ARHGAP32: variants seen among roughly 807,000 people sequenced by gnomAD.
The protein encoded by ARHGAP32 is rho GTPase-activating protein 32.
A neutral mutation model predicts 186.5 loss-of-function variants in ARHGAP32; 51 were observed. The observed-to-expected ratio is 0.27, with a 90% CI of 0.22 to 0.35. The LOEUF (loss-of-function observed/expected upper bound fraction) is 0.35. Among genes scored for constraint, ARHGAP32 ranks in the 10% least tolerant of loss-of-function variants. The pLI is 1.00. For missense variants in ARHGAP32, 2,186 were observed against 2,623.5 expected, an observed-to-expected ratio of 0.83 and a Z score of 3.64; for synonymous variants, 950 against 964.3, an observed-to-expected ratio of 0.99 and a Z score of 0.27.
At chr11:129,223,584 T>C (rs1481106359) in intron 1 of ARHGAP32, among the ~76,000 whole-genome samples, 2 of 152,192 alleles carry the variant, frequency 1.3e-5, no homozygotes, top group African/African-American at 4.8e-5. Context: ...GAAAAGATGT[T>C]TGCTTACTTT....
intron 2 of ARHGAP32, among the ~76,000 whole-genome samples, chr11:129,127,158 A>G (rs1942681317): frequency 6.6e-6 from 1 of 152,182 alleles, no homozygotes; most frequent in Non-Finnish European, 1.5e-5. Context: ...AGAAAACGAG[A>G]AAACCTGCCC....
At chr11:129,148,269 A>T (rs1358802290) in intron 2 of ARHGAP32, among the ~76,000 whole-genome samples, 2 of 152,234 alleles carry the variant, frequency 1.3e-5, no homozygotes. Context: ...ATTGCACAGG[A>T]CAGGCAAAAA....
rs150453760 is a variant in ARHGAP32, at chr11:129,157,230, T to C, written c.225+7089A>G. On this transcript the variant is annotated intron_variant, in intron 2 of 22. Transcript: ENST00000682385. Reference sequence around the variant, plus strand: ...AAGAAAACCAGACAGAGAATGAGTCTGACGAATTGACAGAAGCAGGCTTCA... The same window carrying C: ...AAGAAAACCAGACAGAGAATGAGTCCGACGAATTGACAGAAGCAGGCTTCA... Among the ~76,000 whole-genome samples the C allele has an allele frequency of 4.1e-4, 62 of 152,118 alleles. No homozygotes were observed. The East Asian group carries it at 0.011, about 27-fold the overall frequency.
intron 11 of ARHGAP32, among the ~76,000 whole-genome samples, chr11:129,023,465 GA>G (rs1383179484): frequency 1.3e-5 from 2 of 151,638 alleles, no homozygotes; most frequent in South Asian, 2.1e-4. Context: ...AACCCACCAG[GA>G]AAAAAATTAA....
chr11:129,086,620 G>C (rs1290169050), intron 6 of ARHGAP32, among the ~76,000 whole-genome samples: 2 of 152,120 alleles, frequency 1.3e-5, no homozygotes, highest in Non-Finnish European at 2.9e-5. Flanking sequence ...AGGAGATCGA[G>C]ACCATCCCGG....
At chr11:129,237,728 G>A (rs1286945992) in intron 1 of ARHGAP32, among the ~76,000 whole-genome samples, 1 of 152,132 alleles carries the variant, frequency 6.6e-6, no homozygotes, top group African/African-American at 2.4e-5. Flanking sequence ...CAGAAATAGG[G>A]CCAAACCAGG....
chr11:129,176,483 C>A (rs1467846522), intron 1 of ARHGAP32, among the ~76,000 whole-genome samples: 1 of 79,460 alleles, frequency 1.3e-5, no homozygotes, highest in East Asian at 3.1e-4. Context: ...ACAGAATATA[C>A]ATTTTTTCAG....
chr11:129,271,442 T>C (rs1945471256), intron 1 of ARHGAP32, among the ~76,000 whole-genome samples: 1 of 151,998 alleles, frequency 6.6e-6, no homozygotes, highest in African/African-American at 2.4e-5. Context: ...CTTACTGAGA[T>C]GGTAAAGACT....
At chr11:129,227,590 G>T (rs1214332226) in intron 1 of ARHGAP32, among the ~76,000 whole-genome samples, 1 of 151,838 alleles carries the variant, frequency 6.6e-6, no homozygotes, top group Non-Finnish European at 1.5e-5. Context: ...GCTATTTCAT[G>T]AAAACAATAC....
rs1201087512 is a variant in ARHGAP32, at chr11:129,232,226, G to GT, written c.-5+46919dup. The stretch of plus-strand genomic sequence containing the variant: ...ATTAGTGTAGCTACAGATTATCTAC[G>GT]TATCAGTTAGACAGATATTCTGGGT... On this transcript the variant is annotated intron_variant, in intron 1 of 6. Coordinates refer to the ARHGAP32 transcript ENST00000525234. Among the ~76,000 whole-genome samples, 4 of 152,098 alleles carry GT rather than the reference G, an allele frequency of 2.6e-5. No homozygotes were observed. In the South Asian group the frequency reaches 6.2e-4, roughly 24 times the overall value.
intron 16 of ARHGAP32, 111 bp from the exon 17 acceptor site, chr11:128,981,672 T>G (rs549593546): frequency 4.8e-5 from 62 of 1,296,270 alleles, no homozygotes; most frequent in Non-Finnish European, 6.2e-5. Context: ...ATACTTTTAC[T>G]GTCCCTTAGC....
At chr11:129,101,763 C>T (rs929573224) in intron 5 of ARHGAP32, among the ~76,000 whole-genome samples, 3 of 152,152 alleles carry the variant, frequency 2.0e-5, no homozygotes, top group Admixed American at 1.3e-4. Context: ...GAGAATGGAA[C>T]CAAATTGGAA....
intron 1 of ARHGAP32, among the ~76,000 whole-genome samples, chr11:129,178,164 C>T (rs1164188096): frequency 6.6e-6 from 1 of 151,644 alleles, no homozygotes; most frequent in Middle Eastern, 3.4e-3. Flanking sequence ...AAACAGAGAG[C>T]CAAATCATGA....
intron 2 of ARHGAP32, among the ~76,000 whole-genome samples, chr11:129,146,825 A>G (rs1049926612): frequency 6.6e-6 from 1 of 152,102 alleles, no homozygotes; most frequent in Non-Finnish European, 1.5e-5. Flanking sequence ...ACACAAATCA[A>G]TAAAAATGTA....
At chr11:129,019,189 C>A (rs1743259153) in intron 11 of ARHGAP32, among the ~76,000 whole-genome samples, 1 of 152,164 alleles carries the variant, frequency 6.6e-6, no homozygotes, top group African/African-American at 2.4e-5. Context: ...CTCTCTGGCA[C>A]CACCCACTGA....
chr11:129,147,251 T>C (rs1194284016), intron 2 of ARHGAP32, among the ~76,000 whole-genome samples: 3 of 152,174 alleles, frequency 2.0e-5, no homozygotes, highest in African/African-American at 7.2e-5. Flanking sequence ...AATAGTATTT[T>C]CCATAAGTGC....
intron 19 of ARHGAP32, 73 bp from the exon 20 acceptor site, chr11:128,976,707 T>G (rs1945552417): frequency 7.8e-7 from 1 of 1,287,632 alleles, no homozygotes; most frequent in Middle Eastern, 1.8e-4. Flanking sequence ...TCGGTGTTTT[T>G]CTTGATACAT....
chr11:129,036,380 C>CAAAAAA (rs58678377), intron 11 of ARHGAP32, among the ~76,000 whole-genome samples: 34 of 98,668 alleles, frequency 3.4e-4, no homozygotes, highest in African/African-American at 4.9e-4. Flanking sequence ...AACTCCGTCT[C>CAAAAAA]AAAAAAAAAA....
At chr11:129,152,224 T>C (rs1943303103) in intron 2 of ARHGAP32, among the ~76,000 whole-genome samples, 3 of 152,028 alleles carry the variant, frequency 2.0e-5, no homozygotes, top group Admixed American at 2.0e-4. Context: ...CAACAAGTAG[T>C]GAGATTCAAA....
Sources: gnomAD v4.1 joint callset for allele counts (sites outside exome capture counted in the v4.1 genomes callset) on GRCh38, gnomAD v4.1.1 for gene constraint, MANE v1.5 for transcripts, NCBI Gene and HGNC (gene_info 2026-07-23, HGNC 2026-07-21) for gene names.